The following SLC14A2 variants were observed in gnomAD, a reference collection of about 807,000 sequenced individuals.
SLC14A2 encodes solute carrier family 14 member 2.
A neutral mutation model predicts 104.6 loss-of-function variants in SLC14A2; 91 were observed. The observed-to-expected ratio is 0.87, with a 90% CI of 0.73 to 1.04. SLC14A2 has a LOEUF of 1.04. SLC14A2 is among the 50% of genes least tolerant of loss of function. The pLI is 0.00. For missense variants in SLC14A2, 1,189 were observed against 1,156.0 expected (o/e 1.03, Z -0.41); for synonymous variants, 476 against 466.4 (o/e 1.02, Z -0.27).
intron 2 of SLC14A2, among the ~76,000 whole-genome samples, chr18:45,518,604 G>T (rs2144803674): frequency 6.6e-6 from 1 of 152,314 alleles, no homozygotes; most frequent in East Asian, 1.9e-4. Flanking sequence ...CTTGCCTGGG[G>T]TCGCTGGAAA....
intron 1 of SLC14A2, among the ~76,000 whole-genome samples, chr18:45,470,469 C>G (rs2087226574): frequency 6.6e-6 from 1 of 152,042 alleles, no homozygotes; most frequent in African/African-American, 2.4e-5. Context: ...TGTGTTTGTA[C>G]TCAGTTTAGA....
At chr18:45,181,588 A>G in the SLC14A2 span, among the ~76,000 whole-genome samples, 1 of 152,196 alleles carries the variant, frequency 6.6e-6, no homozygotes, top group Non-Finnish European at 1.5e-5. Context: ...TCCCAGATAC[A>G]TATGTAACAG....
chr18:45,349,903 A>G (rs1245822582), intron 1 of SLC14A2, among the ~76,000 whole-genome samples: 1 of 152,276 alleles, frequency 6.6e-6, no homozygotes, highest in African/African-American at 2.4e-5. Context: ...GTCTAAATGC[A>G]TCAATGGCAG....
chr18:45,377,407 C>A (rs990976927), intron 1 of SLC14A2, among the ~76,000 whole-genome samples: 3 of 152,102 alleles, frequency 2.0e-5, no homozygotes, highest in Admixed American at 6.6e-5. Context: ...CAGTACTAAT[C>A]CCAACTCATC....
At chr18:45,675,710 T>TATATATATATATA (rs1555639293) in intron 18 of SLC14A2, among the ~76,000 whole-genome samples, 1 of 46,214 alleles carries the variant, frequency 2.2e-5, no homozygotes, top group African/African-American at 6.4e-5. Flanking sequence ...TATATATATA[T>TATATATATATATA]TTTTTTTTTT....
Position 45,667,953 on chromosome 18 carries a change from G to A in SLC14A2, c.1838G>A (p.Trp613Ter). ...CTCGGCCTCTTCATCCAGAACCCCT[G>A]GTGGGCGATCTCAGGCTGCCTGGGT... ...IILGLFIQNP[W>*]WAISGCLGTI... Residue 613 changes from tryptophan to a stop codon, truncating the protein, a stop_gained, in exon 14 of 20, where the codon TGG becomes TAG. Coordinates refer to ENST00000255226, the MANE Select transcript of SLC14A2 (RefSeq NM_007163.4). LOFTEE classifies it high-confidence loss of function. 6.2e-7 allele frequency: 1 copy of A among 1,614,104 alleles called. No individual in the cohort carries two copies. Among genetic ancestry groups the A allele is most frequent in the Non-Finnish European group, 8.5e-7 (1 of 1,180,006 alleles).
chr18:45,649,949 T>G (rs1010534462), intron 10 of SLC14A2, among the ~76,000 whole-genome samples: 4 of 152,256 alleles, frequency 2.6e-5, no homozygotes, highest in Non-Finnish European at 4.4e-5. Flanking sequence ...TCATCAATCC[T>G]GCCTCTTAAT....
intron 2 of SLC14A2, among the ~76,000 whole-genome samples, chr18:45,549,637 G>A (rs2044028057): frequency 6.6e-6 from 1 of 152,256 alleles, no homozygotes; most frequent in Non-Finnish European, 1.5e-5. Flanking sequence ...CTAGTCGGAT[G>A]CTACGGCAAG....
chr18:45,214,167 A>G (rs2083986986), intron 1 of SLC14A2, among the ~76,000 whole-genome samples: 1 of 152,178 alleles, frequency 6.6e-6, no homozygotes, highest in African/African-American at 2.4e-5. Flanking sequence ...AGAAATAAGT[A>G]GATTGTTTTA....
chr18:45,335,191 C>T (rs1044534327), intron 1 of SLC14A2, among the ~76,000 whole-genome samples: 5 of 152,202 alleles, frequency 3.3e-5, no homozygotes, highest in Non-Finnish European at 7.3e-5. Flanking sequence ...TCCCCTGCCA[C>T]CCACTCCAAG....
In SLC14A2 at chr18:45,387,224, C is replaced by G. The variant is rs16978357; in HGVS notation, c.-124-96009C>G. ...TTTTCTGTCTTAAAAGGGTATGCTA[C>G]TTATATCAGTCAAAATAGGCAAGGT... On this transcript the variant is annotated intron_variant, in intron 1 of 20. Coordinates refer to the SLC14A2 transcript ENST00000586448. 9.6e-3 allele frequency among the ~76,000 whole-genome samples: 1,463 copies of G among 152,264 alleles called. 30 individuals carry two copies. Among genetic ancestry groups the G allele is most frequent in the African/African-American group, 0.034 (1,398 of 41,538 alleles).
rs1166026907 is a variant in SLC14A2 at position 45,268,056 on chromosome 18, G to A, written c.-125+54865G>A. ...TCAGCACTTGACCGTAAAATGTTGT[G>A]CATTCATCTCCATTTGTTTCATGCC... On this transcript the variant is annotated intron_variant, in intron 1 of 20. Coordinates refer to the SLC14A2 transcript ENST00000586448. 4.6e-5 allele frequency among the ~76,000 whole-genome samples: 7 copies of A among 152,082 alleles called. No individual in the cohort carries two copies. The East Asian group carries it at 1.2e-3, about 25-fold the overall frequency.
intron 1 of SLC14A2, among the ~76,000 whole-genome samples, chr18:45,468,419 G>T (rs984043680): frequency 9.2e-5 from 14 of 151,934 alleles, no homozygotes; most frequent in Non-Finnish European, 1.6e-4. Context: ...ACTTAGCAAA[G>T]GGGCAGAGCT....
At chr18:45,511,310 T>C (rs1219005534) in intron 2 of SLC14A2, among the ~76,000 whole-genome samples, 1 of 152,202 alleles carries the variant, frequency 6.6e-6, no homozygotes, top group Admixed American at 6.5e-5. Flanking sequence ...CCTCTATATT[T>C]TGGGGCAGTG....
intron 2 of SLC14A2, among the ~76,000 whole-genome samples, chr18:45,592,203 T>C (rs372316059): frequency 2.8e-4 from 42 of 152,316 alleles, no homozygotes; most frequent in Non-Finnish European, 4.9e-4. Flanking sequence ...ATTTAACCTT[T>C]ATTTAACTTT....
intron 1 of SLC14A2, among the ~76,000 whole-genome samples, chr18:45,422,426 C>T (rs1046905652): frequency 6.6e-6 from 1 of 152,112 alleles, no homozygotes; most frequent in African/African-American, 2.4e-5. Context: ...TAGTTGGTGC[C>T]ACTCATATAG....
intron 1 of SLC14A2, among the ~76,000 whole-genome samples, chr18:45,291,000 C>T (rs984553685): frequency 6.6e-6 from 1 of 152,092 alleles, no homozygotes; most frequent in South Asian, 2.1e-4. Context: ...AGAAATGGTT[C>T]CCAGCGTCAT....
intron 1 of SLC14A2, among the ~76,000 whole-genome samples, chr18:45,463,491 A>G (rs1315326471): frequency 1.3e-5 from 2 of 152,232 alleles, no homozygotes; most frequent in East Asian, 1.9e-4. Flanking sequence ...AGCTGCCATT[A>G]TTACGTAAAG....
At chr18:45,589,923 G>A (rs997305745) in intron 2 of SLC14A2, among the ~76,000 whole-genome samples, 10 of 152,210 alleles carry the variant, frequency 6.6e-5, no homozygotes, top group African/African-American at 1.7e-4. Flanking sequence ...GTGTCTGAGC[G>A]TGAGAGCTCC....
Sources: allele counts gnomAD v4.1 joint callset (sites outside exome capture counted in the v4.1 genomes callset), GRCh38; gene constraint gnomAD v4.1.1; transcripts MANE v1.5; gene names NCBI Gene and HGNC (gene_info 2026-07-23, HGNC 2026-07-21).